Variants in DPP6 observed in about 807,000 individuals in gnomAD.
The protein encoded by DPP6 is A-type potassium channel modulatory protein DPP6.
DPP6 carries 69 observed loss-of-function variants against 122.6 expected under a neutral mutation model. That is an observed-to-expected ratio of 0.56 (90% CI 0.46 to 0.69). The LOEUF is 0.69. Among genes scored for constraint, DPP6 ranks in the 30% least tolerant of loss-of-function variants. DPP6 has a pLI of 0.00. For synonymous variants in DPP6, 418 were observed against 433.1 expected, an observed-to-expected ratio of 0.97 and a Z score of 0.43; for missense variants, 928 against 1,116.9, an observed-to-expected ratio of 0.83 and a Z score of 2.41.
At chr7:154,141,132 A>G (rs71532701) in intron 1 of DPP6, among the ~76,000 whole-genome samples, 1 of 151,816 alleles carries the variant, frequency 6.6e-6, no homozygotes, top group Non-Finnish European at 1.5e-5. Context: ...ACGTTTGGAG[A>G]AGCATGGGTG....
rs73494311 is a variant in DPP6 at position 153,891,575 on chromosome 7, T to G, written c.51+3841T>G. ...CTAATCTTCCTTTATTGCTGTTTGG[T>G]TGATATTCTGCTTGTTTAACAGAGG... On this transcript the variant is annotated intron_variant, in intron 1 of 25. Transcript: ENST00000404039. Among the ~76,000 whole-genome samples, 980 of 152,338 alleles carry G rather than the reference T, an allele frequency of 6.4e-3. 10 individuals are homozygous for G. Among genetic ancestry groups the G allele is most frequent in the African/African-American group, 0.022 (931 of 41,568 alleles).
the DPP6 span, among the ~76,000 whole-genome samples, chr7:153,827,949 G>A: frequency 6.6e-6 from 1 of 152,228 alleles, no homozygotes; most frequent in African/African-American, 2.4e-5. Flanking sequence ...GATGGTCACT[G>A]ATGCTCGGAG....
chr7:153,923,726 A>G (rs1800753536), intron 1 of DPP6, among the ~76,000 whole-genome samples: 1 of 134,076 alleles, frequency 7.5e-6, no homozygotes, highest in South Asian at 2.4e-4. Context: ...GTGCCACTGC[A>G]CTCCAGCCTG....
At chr7:154,115,228 C>T (rs1188225147) in intron 1 of DPP6, among the ~76,000 whole-genome samples, 1 of 152,134 alleles carries the variant, frequency 6.6e-6, no homozygotes, top group Non-Finnish European at 1.5e-5. Context: ...GAGGTGCTGT[C>T]CCCCCTTCTG....
chr7:153,805,068 T>C, the DPP6 span, among the ~76,000 whole-genome samples: 5 of 152,274 alleles, frequency 3.3e-5, no homozygotes, highest in East Asian at 9.6e-4. Context: ...CATTTGTATT[T>C]TCCTTTCAGC....
chr7:153,963,927 C>G (rs778571210), intron 1 of DPP6, among the ~76,000 whole-genome samples: 2 of 152,212 alleles, frequency 1.3e-5, no homozygotes, highest in Admixed American at 6.5e-5. Flanking sequence ...GCAGAGGTGA[C>G]TGATGAGGAC....
intron 1 of DPP6, among the ~76,000 whole-genome samples, chr7:153,964,779 C>CTCCTTTCCTTTCCTTTCCTTTCCTT (rs200745389): frequency 1.0e-4 from 12 of 114,692 alleles, no homozygotes; most frequent in South Asian, 7.6e-4. Context: ...TTCTCCGTGG[C>CTCCTTTCCTTTCCTTTCCTTTCCTT]TCCTTTCCTT....
intron 7 of DPP6, among the ~76,000 whole-genome samples, chr7:154,720,056 A>C (rs1841716372): frequency 3.9e-5 from 6 of 152,208 alleles, no homozygotes; most frequent in Admixed American, 3.9e-4. Context: ...GGAGTACAGC[A>C]TAAACACAGA....
intron 3 of DPP6, among the ~76,000 whole-genome samples, chr7:154,519,382 C>T (rs1826790720): frequency 6.6e-6 from 1 of 152,230 alleles, no homozygotes; most frequent in African/African-American, 2.4e-5. Context: ...CAGAGGGACA[C>T]AGGCAGACAC....
chr7:154,532,610 C>T (rs1217039720), intron 3 of DPP6, among the ~76,000 whole-genome samples: 1 of 151,892 alleles, frequency 6.6e-6, no homozygotes, highest in Non-Finnish European at 1.5e-5. Context: ...AAAGAAGACA[C>T]AAATGACCAA....
the DPP6 span, among the ~76,000 whole-genome samples, chr7:153,870,368 C>G: frequency 3.9e-5 from 6 of 152,132 alleles, no homozygotes; most frequent in Non-Finnish European, 8.8e-5. Context: ...TCTTTTTTCT[C>G]TAAACTTCTC....
intron 6 of DPP6, among the ~76,000 whole-genome samples, chr7:154,655,074 AT>A (rs1837151213): frequency 6.6e-6 from 1 of 152,110 alleles, no homozygotes; most frequent in Non-Finnish European, 1.5e-5. Context: ...TGTATCACAC[AT>A]TTTTATATTA....
intron 1 of DPP6, among the ~76,000 whole-genome samples, chr7:154,323,182 CAAT>C (rs1295927484): frequency 3.3e-5 from 5 of 152,156 alleles, no homozygotes; most frequent in Non-Finnish European, 5.9e-5. Context: ...GTAAGCTTGA[CAAT>C]AAAACTGTGA....
At chr7:153,911,860 G>A (rs942318576) in intron 1 of DPP6, among the ~76,000 whole-genome samples, 6 of 152,096 alleles carry the variant, frequency 3.9e-5, no homozygotes, top group African/African-American at 1.4e-4. Context: ...TTTGCGGAAG[G>A]CACCAGTTTA....
intron 5 of DPP6, chr7:154,587,647 C>T (rs1409297552): frequency 1.9e-6 from 3 of 1,543,624 alleles, no homozygotes; most frequent in Non-Finnish European, 2.6e-6. Context: ...TCCCACTTTA[C>T]AGATGAAGAA....
At position 154,625,867 on chromosome 7, in the gene DPP6, G is replaced by A. The variant is rs150480192; in HGVS notation, c.628-11954G>A. 2.1e-3 allele frequency among the ~76,000 whole-genome samples: 321 copies of A among 152,328 alleles called. 3 individuals carry two copies. The highest frequency in any genetic ancestry group is 7.0e-3 in the African/African-American group (293 of 41,564). On this transcript the variant is annotated intron_variant, in intron 5 of 25. Coordinates refer to ENST00000377770, the MANE Select transcript of DPP6 (RefSeq NM_130797.4). ...AGCACCTGTTTTGGATTTGGAGCCAGTATATGCAGGAGAGAAAAAGAAGAC... is the reference window on the plus strand; with the variant it reads ...AGCACCTGTTTTGGATTTGGAGCCAATATATGCAGGAGAGAAAAAGAAGAC...
chr7:154,122,267 C>T (rs574175312), intron 1 of DPP6, among the ~76,000 whole-genome samples: 1 of 152,226 alleles, frequency 6.6e-6, no homozygotes, highest in Non-Finnish European at 1.5e-5. Flanking sequence ...GTGTACTGAT[C>T]AGAGGTGGCG....
intron 4 of DPP6, among the ~76,000 whole-genome samples, chr7:154,558,115 C>A (rs1472453707): frequency 1.3e-5 from 2 of 151,836 alleles, no homozygotes; most frequent in Non-Finnish European, 2.9e-5. Context: ...CACCCCCCCA[C>A]AGGCCCCAGT....
At chr7:154,000,724 T>A (rs1047245759) in intron 1 of DPP6, among the ~76,000 whole-genome samples, 1 of 152,080 alleles carries the variant, frequency 6.6e-6, no homozygotes, top group Non-Finnish European at 1.5e-5. Flanking sequence ...TGGATACTTA[T>A]GGGTGCCAGC....
Sources: gnomAD v4.1 joint callset for allele counts (sites outside exome capture counted in the v4.1 genomes callset) on GRCh38, gnomAD v4.1.1 for gene constraint, MANE v1.5 for transcripts, NCBI Gene and HGNC (gene_info 2026-07-23, HGNC 2026-07-21) for gene names.